ELL2: variants seen among roughly 807,000 people sequenced by gnomAD.
ELL2 encodes the protein RNA polymerase II elongation factor ELL2.
A neutral mutation model predicts 72.8 loss-of-function variants in ELL2; 21 were observed. The observed-to-expected ratio is 0.29, with a 90% confidence interval of 0.20 to 0.42. The LOEUF (loss-of-function observed/expected upper bound fraction) is 0.42, where lower values mean the gene tolerates loss of function less well. Among genes scored for constraint, ELL2 ranks in the 10% least tolerant of loss-of-function variants. ELL2 has a pLI of 1.00. For missense variants in ELL2, 568 were observed against 772.8 expected (o/e 0.73, Z 3.14); for synonymous variants, 266 against 283.2 (o/e 0.94, Z 0.61).
At position 95,961,737 on chromosome 5, in the gene ELL2, G is replaced by T. The variant is rs976114832; in HGVS notation, c.-16C>A. ...CCGCCGCCATCTTAAACTCCCCGGG[G>T]TGCCGCCGCCGCCGCCGCTCCGGCT... On this transcript the variant is annotated 5_prime_UTR_variant, in exon 1 of 12. Coordinates refer to ENST00000237853, the MANE Select transcript of ELL2 (RefSeq NM_012081.6). The T allele has an allele frequency of 1.3e-6, 2 of 1,588,594 alleles. No homozygotes were observed. The highest frequency in any genetic ancestry group is 2.3e-5 in the East Asian group (1 of 43,064).
intron 7 of ELL2, 97 bp from the exon 8 acceptor site, chr5:95,898,907 T>A: frequency 1.2e-6 from 1 of 861,782 alleles, no homozygotes. Flanking sequence ...TAACCTTACT[T>A]ACTATTAATA....
chr5:95,890,537 T>A (rs773240770), intron 10 of ELL2, among the ~76,000 whole-genome samples: 3 of 152,222 alleles, frequency 2.0e-5, no homozygotes. Flanking sequence ...CTGCTCTTTG[T>A]CAGCTGTAGT....
intron 2 of ELL2, among the ~76,000 whole-genome samples, chr5:95,937,418 T>C (rs1750816452): frequency 6.6e-6 from 1 of 152,048 alleles, no homozygotes; most frequent in African/African-American, 2.4e-5. Context: ...GTTTCCAGAG[T>C]TCCCAGGGGC....
intron 9 of ELL2, among the ~76,000 whole-genome samples, chr5:95,892,199 G>A (rs1229274518): frequency 3.3e-5 from 5 of 151,570 alleles, no homozygotes; most frequent in Non-Finnish European, 7.4e-5. Context: ...CAGGCCAGAG[G>A]GCAGTGGCGC....
intron 2 of ELL2, among the ~76,000 whole-genome samples, chr5:95,929,148 C>A (rs925832967): frequency 6.6e-6 from 1 of 152,154 alleles, no homozygotes. Flanking sequence ...CACCTCTAGG[C>A]GCTCATCGCT....
At chr5:95,892,304 G>A (rs768857564) in intron 9 of ELL2, among the ~76,000 whole-genome samples, 7 of 152,044 alleles carry the variant, frequency 4.6e-5, no homozygotes, top group Admixed American at 6.5e-5. Context: ...ATGCCACCAT[G>A]CCCGGCTAAT....
chr5:95,913,616 A>G (rs1027499498), intron 4 of ELL2, 155 bp downstream of exon 4: 2 of 765,230 alleles, frequency 2.6e-6, no homozygotes, highest in Admixed American at 3.6e-5. Context: ...CAGTCTGAAG[A>G]GAACAAATAA....
intron 1 of ELL2, among the ~76,000 whole-genome samples, chr5:95,959,791 G>T (rs1751746474): frequency 6.6e-6 from 1 of 152,146 alleles, no homozygotes; most frequent in South Asian, 2.1e-4. Flanking sequence ...TTCACCATAT[G>T]CTTCTCTGGT....
In ELL2 at chr5:95,900,743, G is replaced by C; in HGVS notation, c.904C>G (p.Arg302Gly). 1 of 1,609,912 alleles carries C rather than the reference G, an allele frequency of 6.2e-7. No individual in the cohort carries two copies. Among genetic ancestry groups the C allele is most frequent in the Non-Finnish European group, 8.5e-7 (1 of 1,178,192 alleles). Residue 302 changes from arginine to glycine, a missense_variant, in exon 7 of 12, where the codon CGT becomes GGT. Arg to Gly is a moderately radical substitution (Grantham distance 125). Around this residue, in one of 2 missense-constraint regions of ELL2, gnomAD observed 511 missense variants for 728.4 expected, o/e 0.70. Coordinates refer to ENST00000237853, the MANE Select transcript of ELL2 (RefSeq NM_012081.6). The part of the protein sequence containing the change: ...NPSQNAAGTS[R>G]SESPVCSSRD... ...CTAGAACATACAGGAGATTCTGAAC[G>C]GCTGGTGCCTGCAGCATTCTGAGAC...
At chr5:95,895,849 T>C (rs17085243) in intron 8 of ELL2, among the ~76,000 whole-genome samples, 158 bp from the exon 9 acceptor site, 6,817 of 152,270 alleles carry the variant, frequency 0.045, 271 homozygotes, top group African/African-American at 0.096. Context: ...CAATTGAACA[T>C]GAACAATAGA....
At chr5:95,946,052 T>C (rs916221060) in intron 1 of ELL2, among the ~76,000 whole-genome samples, 2 of 152,168 alleles carry the variant, frequency 1.3e-5, no homozygotes, top group African/African-American at 4.8e-5. Context: ...GATAAACTAT[T>C]GGAGGCTCTC....
intron 1 of ELL2, among the ~76,000 whole-genome samples, chr5:95,958,172 C>T (rs1477476400): frequency 6.6e-6 from 1 of 152,152 alleles, no homozygotes; most frequent in Non-Finnish European, 1.5e-5. Context: ...GAAATTAAAA[C>T]CATTTTCCCC....
chr5:95,898,334 C>T lies in ELL2; in HGVS notation c.1431G>A (p.Lys477=), dbSNP rs201482564. Residue 477 remains lysine, a synonymous_variant, in exon 8 of 12, where the codon AAG becomes AAA. Coordinates refer to ENST00000237853, the MANE Select transcript of ELL2 (RefSeq NM_012081.6). The stretch of plus-strand genomic sequence containing the variant: ...TTTCCTCAATAGTCTCAATGTCGTG[C>T]TTTTTTATTTGGTCCTTTTCCTTAT... The part of the protein sequence containing the change: ...KKHKEKDQIK[K]HDIETIEEKE... 17 of 1,613,652 alleles carry T rather than the reference C, an allele frequency of 1.1e-5. No individual in the cohort carries two copies. The Middle Eastern group carries it at 5.0e-4, about 48-fold the overall frequency.
chr5:95,913,982 C>G, intron 3 of ELL2, 48 bp from the exon 4 acceptor site: 1 of 1,475,910 alleles, frequency 6.8e-7, no homozygotes, highest in Non-Finnish European at 9.0e-7. Context: ...TCATTTTGTA[C>G]AATAAAGGCA....
chr5:95,890,644 C>T (rs1323083760), intron 10 of ELL2, among the ~76,000 whole-genome samples: 1 of 152,178 alleles, frequency 6.6e-6, no homozygotes, highest in African/African-American at 2.4e-5. Flanking sequence ...TTTACTTAAA[C>T]CCCAAATCTC....
intron 1 of ELL2, among the ~76,000 whole-genome samples, chr5:95,947,650 G>A (rs578178741): frequency 1.3e-5 from 2 of 152,112 alleles, no homozygotes; most frequent in African/African-American, 4.8e-5. Context: ...GCAGAGTTGG[G>A]CCTTAAATCC....
chr5:95,944,987 T>A (rs1009654060), intron 1 of ELL2, among the ~76,000 whole-genome samples: 2 of 152,198 alleles, frequency 1.3e-5, no homozygotes, highest in African/African-American at 4.8e-5. Flanking sequence ...CACCTTTCAT[T>A]TCGAAAGGCT....
chr5:95,951,696 C>G (rs1486772362), intron 1 of ELL2, among the ~76,000 whole-genome samples: 1 of 151,960 alleles, frequency 6.6e-6, no homozygotes, highest in Non-Finnish European at 1.5e-5. Context: ...ACTACTTGAT[C>G]ATATTTAATG....
intron 5 of ELL2, among the ~76,000 whole-genome samples, chr5:95,902,741 G>A (rs1376269802): frequency 6.6e-6 from 1 of 152,128 alleles, no homozygotes; most frequent in East Asian, 1.9e-4. Flanking sequence ...TTCTTGAGGT[G>A]GAATAAACAC....
Sources: allele counts gnomAD v4.1 joint callset (sites outside exome capture counted in the v4.1 genomes callset), GRCh38; gene constraint gnomAD v4.1.1; regional missense constraint gnomAD v4.1.1; transcripts MANE v1.5; gene names NCBI Gene and HGNC (gene_info 2026-07-23, HGNC 2026-07-21).